Variants in GFRA2 observed in about 807,000 individuals in gnomAD.
The protein encoded by GFRA2 is GDNF family receptor alpha 2, also known as GDNF family receptor alpha-2.
A neutral mutation model predicts 48.3 loss-of-function variants in GFRA2; 17 were observed. The ratio of observed to expected loss-of-function variants is 0.35; its 90% CI spans 0.24 to 0.53. GFRA2 has a LOEUF of 0.53. Among genes scored for constraint, GFRA2 ranks in the 20% least tolerant of loss-of-function variants. The pLI, the probability that GFRA2 is intolerant of heterozygous loss-of-function variation, is 0.93. For missense variants in GFRA2, 660 were observed against 637.3 expected (o/e 1.04, Z -0.38); for synonymous variants, 305 against 257.2 (o/e 1.19, Z -1.78).
rs148935073 is a variant in GFRA2, at chr8:21,766,319, T to C, written c.439+8653A>G. Among the ~76,000 whole-genome samples the C allele has an allele frequency of 9.4e-4, 143 of 152,182 alleles. 1 individual carries two copies. The East Asian group carries it at 0.026, about 28-fold the overall frequency. Reference sequence around the variant, plus strand: ...TCACTATCTCACATGTCTTGTTAATTTGTTTGTTGGCTTGTTTTCTATTTT... The same window carrying C: ...TCACTATCTCACATGTCTTGTTAATCTGTTTGTTGGCTTGTTTTCTATTTT... On this transcript the variant is annotated intron_variant, in intron 3 of 8. Coordinates refer to ENST00000524240, the MANE Select transcript of GFRA2 (RefSeq NM_001495.5).
rs952004656 is a variant in GFRA2 at position 21,795,656 on chromosome 8, G to A, written c.-35-7462C>T. Among the ~76,000 whole-genome samples, 8 of 152,300 alleles carry A rather than the reference G, an allele frequency of 5.3e-5. 1 individual carries two copies. In the Middle Eastern group the frequency reaches 0.01, roughly 194 times the overall value. ...GATCCACCCACCTCGGCCTCCCAAA[G>A]TGCTGGGAGTACAGGCATGAGCCAT... On this transcript the variant is annotated intron_variant, in intron 2 of 10. Coordinates refer to the GFRA2 transcript ENST00000517328.
Position 21,691,107 on chromosome 8 carries a change from T to C in GFRA2, c.*2171A>G, listed in dbSNP as rs1210651190. On this transcript the variant is annotated 3_prime_UTR_variant, in exon 9 of 9. Transcript: ENST00000524240. ...AAAAGCCATTGAGGGGACCTGCGAT[T>C]GGGAGATGGGAAAACTGCATCCTAT... 1.3e-5 allele frequency: 2 copies of C among 152,202 alleles called. No homozygotes were observed. The highest frequency in any genetic ancestry group is 4.8e-5 in the African/African-American group (2 of 41,446). 9.4% of individuals were successfully genotyped at this position (152,202 alleles called of 1,614,324 possible).
intron 2 of GFRA2, among the ~76,000 whole-genome samples, chr8:21,799,285 G>A (rs1032316886): frequency 1.3e-5 from 2 of 150,218 alleles, no homozygotes; most frequent in African/African-American, 2.5e-5. Flanking sequence ...TGGCGCGATC[G>A]CGGCTCACTG....
At chr8:21,768,418 CT>C (rs1806283009) in intron 3 of GFRA2, among the ~76,000 whole-genome samples, 1 of 152,200 alleles carries the variant, frequency 6.6e-6, no homozygotes, top group African/African-American at 2.4e-5. Flanking sequence ...CCTCAGCCCC[CT>C]GTGCCCCCGC....
chr8:21,778,864 G>A (rs968969173), intron 2 of GFRA2, among the ~76,000 whole-genome samples: 6 of 151,940 alleles, frequency 3.9e-5, no homozygotes, highest in Non-Finnish European at 7.4e-5. Context: ...TCCAGCCTGC[G>A]ATAACAGAGC....
exon 1 of GFRA2, chr8:21,812,270 C>T (rs1471611589): frequency 6.6e-6 from 1 of 152,316 alleles, no homozygotes. Flanking sequence ...CATCTGCCAG[C>T]TTCTGCCGGC....
At chr8:21,693,450 G>T in intron 8 of GFRA2, 50 bp from the exon 9 acceptor site, 1 of 1,546,700 alleles carries the variant, frequency 6.5e-7, no homozygotes, top group Non-Finnish European at 8.8e-7. Flanking sequence ...TGAAAACAAA[G>T]AAAACAGTCA....
At chr8:21,792,376 T>C (rs1249113708), upstream of GFRA2, among the ~76,000 whole-genome samples, 1 of 152,122 alleles carries the variant, frequency 6.6e-6, no homozygotes, top group African/African-American at 2.4e-5. Flanking sequence ...CAGCTAATAC[T>C]GTCAGGAGCC....
At chr8:21,746,434 G>A (rs970244732) in intron 4 of GFRA2, among the ~76,000 whole-genome samples, 2 of 152,180 alleles carry the variant, frequency 1.3e-5, no homozygotes, top group Non-Finnish European at 1.5e-5. Flanking sequence ...GATAGGGAAA[G>A]AGGGATTGGA....
chr8:21,788,031 T>TGCC, intron 1 of GFRA2, 89 bp downstream of exon 1: 1 of 432,234 alleles, frequency 2.3e-6, no homozygotes, highest in Non-Finnish European at 3.8e-6. Context: ...CCCGCCGACC[T>TGCC]CCCGCCAGCC....
rs370374622 is a variant in GFRA2 at position 21,702,916 on chromosome 8, C to A, written c.1107G>T (p.Ser369=). 3 of 1,586,600 alleles carry A rather than the reference C, an allele frequency of 1.9e-6. No individual in the cohort carries two copies. The highest frequency in any genetic ancestry group is 2.6e-6 in the Non-Finnish European group (3 of 1,169,358). ...CCCGAGGGGCCTGGGTGGCCTGGAACGAGGGGCCTTTTGGGGACACGTTCA... is the reference window on the plus strand; with the variant it reads ...CCCGAGGGGCCTGGGTGGCCTGGAAAGAGGGGCCTTTTGGGGACACGTTCA... The part of the protein sequence containing the change: ...TDVNVSPKGP[S]FQATQAPRVE... Residue 369 remains serine, a synonymous_variant, in exon 7 of 9, where the codon TCG becomes TCT. Coordinates refer to ENST00000524240, the MANE Select transcript of GFRA2 (RefSeq NM_001495.5).
At chr8:21,764,937 C>T (rs1428173390) in intron 3 of GFRA2, among the ~76,000 whole-genome samples, 9 of 152,128 alleles carry the variant, frequency 5.9e-5, no homozygotes, top group Non-Finnish European at 1.2e-4. Flanking sequence ...CCATCCTCCT[C>T]ACGTCAACAT....
At position 21,693,514 on chromosome 8, in the gene GFRA2, CCT is replaced by C. The variant is rs1801976259; in HGVS notation, c.1273-116_1273-115del. The C allele has an allele frequency of 7.4e-6, 7 of 948,588 alleles. No individual in the cohort carries two copies. In the South Asian group the frequency reaches 1.0e-4, roughly 14 times the overall value. 58.8% of individuals were successfully genotyped at this position (948,588 alleles called of 1,614,324 possible). ...ACTCAGGAACTGGACACCTCAAGCCCCTGTCCTCTCTTCCACCCACAGGGACC... is the reference window on the plus strand; with the variant it reads ...ACTCAGGAACTGGACACCTCAAGCCCGTCCTCTCTTCCACCCACAGGGACC... On this transcript the variant is annotated intron_variant, in intron 8 of 8. Coordinates refer to ENST00000524240, the MANE Select transcript of GFRA2 (RefSeq NM_001495.5).
intron 4 of GFRA2, among the ~76,000 whole-genome samples, chr8:21,730,500 T>C (rs1276253031): frequency 1.3e-5 from 2 of 152,094 alleles, no homozygotes; most frequent in East Asian, 3.9e-4. Flanking sequence ...TCGGCCCCTA[T>C]CTGCACCACA....
intron 3 of GFRA2, among the ~76,000 whole-genome samples, chr8:21,760,851 T>C (rs184049333): frequency 1.2e-4 from 18 of 152,178 alleles, no homozygotes; most frequent in Admixed American, 1.2e-3. Context: ...CTTTAGCTGG[T>C]GGAAAAATCA....
intron 4 of GFRA2, among the ~76,000 whole-genome samples, chr8:21,746,571 T>C (rs1197761573): frequency 6.6e-6 from 1 of 152,120 alleles, no homozygotes; most frequent in African/African-American, 2.4e-5. Flanking sequence ...GACATAGCAC[T>C]GCTTGTGGGC....
At chr8:21,773,141 G>A (rs1406958938) in intron 3 of GFRA2, among the ~76,000 whole-genome samples, 7 of 152,246 alleles carry the variant, frequency 4.6e-5, no homozygotes, top group East Asian at 1.9e-4. Context: ...GGAAATGTGA[G>A]AATCAGAATG....
At chr8:21,780,739 A>T (rs1472894568) in intron 2 of GFRA2, 4 of 152,304 alleles carry the variant, frequency 2.6e-5, no homozygotes, top group South Asian at 4.2e-4. Flanking sequence ...TGCCTAAGAC[A>T]GGAAACTGGG....
intron 4 of GFRA2, among the ~76,000 whole-genome samples, chr8:21,734,519 G>A (rs1015456577): frequency 6.6e-6 from 1 of 151,070 alleles, no homozygotes; most frequent in African/African-American, 2.4e-5. Context: ...AGCCTAGTGA[G>A]GTGTTCTGGA....
Sources: allele counts gnomAD v4.1 joint callset (sites outside exome capture counted in the v4.1 genomes callset), GRCh38; gene constraint gnomAD v4.1.1; transcripts MANE v1.5; gene names NCBI Gene and HGNC (gene_info 2026-07-23, HGNC 2026-07-21).